ZUP1: variants seen among roughly 807,000 people sequenced by gnomAD.
ZUP1 encodes zinc finger-containing ubiquitin peptidase 1.
A neutral mutation model predicts 68.1 loss-of-function variants in ZUP1; 55 were observed. The ratio of observed to expected loss-of-function variants is 0.81; its 90% CI spans 0.65 to 1.01. ZUP1 has a LOEUF of 1.01. Among genes scored for constraint, ZUP1 ranks in the 50% least tolerant of loss-of-function variants. The probability of loss-of-function intolerance (pLI) is 0.00; values close to 1 mark genes in which losing one functional copy is unlikely to be tolerated. For synonymous variants in ZUP1, 223 were observed against 221.5 expected (o/e 1.01, Z -0.06); for missense variants, 684 against 674.9 (o/e 1.01, Z -0.15).
chr6:116,647,622 T>G lies in ZUP1; in HGVS notation c.1317-12A>C, dbSNP rs377017997. The G allele has an allele frequency of 4.0e-4, 607 of 1,500,254 alleles. No individual in the cohort carries two copies. Among genetic ancestry groups the G allele is most frequent in the Non-Finnish European group, 5.3e-4 (586 of 1,110,848 alleles). The allele number at this position is 1,500,254 out of a possible 1,614,324, so 92.9% of individuals were successfully genotyped here. On this transcript the variant is annotated splice_polypyrimidine_tract_variant and intron_variant, in intron 7 of 9. Transcript: ENST00000368576. ...CAACAATATGACACCTATTAAAAAT[T>G]GACAAAATGCACATTTAAAGGGCAT...
chr6:116,658,051 C>T (rs1452539843), intron 4 of ZUP1, among the ~76,000 whole-genome samples: 3 of 152,184 alleles, frequency 2.0e-5, no homozygotes, highest in African/African-American at 2.4e-5. Context: ...CAAGATTGCA[C>T]CATTGCATTC....
chr6:116,663,304 A>G (rs991186311), intron 2 of ZUP1, among the ~76,000 whole-genome samples: 9 of 152,276 alleles, frequency 5.9e-5, no homozygotes, highest in African/African-American at 2.2e-4. Context: ...TATCTTCTCT[A>G]TATGATAATC....
chr6:116,635,774 T>G lies in ZUP1; in HGVS notation c.*58A>C, dbSNP rs1775894847. The G allele has an allele frequency of 2.8e-6, 4 of 1,405,288 alleles. No individual in the cohort carries two copies. In the Admixed American group the frequency reaches 6.4e-5, roughly 23 times the overall value. 87.1% of individuals were successfully genotyped at this position (1,405,288 alleles called of 1,614,324 possible). On this transcript the variant is annotated 3_prime_UTR_variant, in exon 10 of 10. Transcript: ENST00000368576. ...TAATTGTATTAAGGAGTTCAATATC[T>G]ACATTTAGAAAACAAAGTATTGTTC...
chr6:116,643,343 A>G lies in ZUP1; in HGVS notation c.1689+2371T>C, dbSNP rs1319332211. On this transcript the variant is annotated intron_variant, in intron 9 of 9. Transcript: ENST00000368576. ...ACAGAATTGGAAAAAACTACTTTAA[A>G]GTTCATATGGAACCAAAAAAGAGCC... Among the ~76,000 whole-genome samples, 7 of 152,102 alleles carry G rather than the reference A, an allele frequency of 4.6e-5. No individual in the cohort carries two copies. In the South Asian group the frequency reaches 6.2e-4, roughly 14 times the overall value.
Position 116,645,844 on chromosome 6 carries a change from A to G in ZUP1, c.1559T>C (p.Met520Thr). The G allele has an allele frequency of 6.2e-7, 1 of 1,613,884 alleles. No homozygotes were observed. Among genetic ancestry groups the G allele is most frequent in the South Asian group, 1.1e-5 (1 of 91,080 alleles). ...ILDPGCPSRE[M>T]QKLLKQDIEA... is the part of the protein sequence containing the mutation. ...TATGTCTTGCTTTAATAATTTCTGC[A>G]TTTCTCGAGAAGGACATCCAGGATC... The change falls in exon 9 of 10, where the codon ATG becomes ACG. Residue 520 changes from methionine (M) to threonine (T), a missense_variant. Transcript: ENST00000368576.
At chr6:116,650,217 G>GT (rs562058142) in intron 7 of ZUP1, among the ~76,000 whole-genome samples, 175 of 152,072 alleles carry the variant, frequency 1.2e-3, no homozygotes, top group African/African-American at 4.1e-3. Context: ...GTGGTCAAGA[G>GT]TTGAGACCAG....
chr6:116,651,766 T>C (rs966658321), intron 6 of ZUP1, 29 bp from the exon 7 acceptor site: 1 of 1,610,084 alleles, frequency 6.2e-7, no homozygotes, highest in African/African-American at 1.3e-5. Context: ...ACATGTTACA[T>C]GACTGTTAAT....
At chr6:116,663,989 A>G (rs995430374) in intron 2 of ZUP1, among the ~76,000 whole-genome samples, 1 of 152,138 alleles carries the variant, frequency 6.6e-6, no homozygotes, top group African/African-American at 2.4e-5. Flanking sequence ...GTTGAATAAG[A>G]CTAGATACCT....
At chr6:116,664,353 C>T (rs1776933872) in intron 2 of ZUP1, among the ~76,000 whole-genome samples, 1 of 151,682 alleles carries the variant, frequency 6.6e-6, no homozygotes. Context: ...ATTGCTTGAA[C>T]CTGGGAGGCA....
In ZUP1 at chr6:116,651,555, G is replaced by T; in HGVS notation, c.1316+17C>A. On this transcript the variant is annotated intron_variant, in intron 7 of 9. Coordinates refer to ENST00000368576, the MANE Select transcript of ZUP1 (RefSeq NM_145062.3). The stretch of plus-strand genomic sequence containing the variant: ...CCGATAAGGAAATAACATTTATTTA[G>T]GTTTTAAGGTACATACTTTACCCTT... 1 of 1,545,882 alleles carries T rather than the reference G, an allele frequency of 6.5e-7. No homozygotes were observed. Among genetic ancestry groups the T allele is most frequent in the Non-Finnish European group, 8.7e-7 (1 of 1,146,756 alleles).
chr6:116,661,647 C>CCTAG (rs2114284816), intron 2 of ZUP1, among the ~76,000 whole-genome samples: 1 of 152,264 alleles, frequency 6.6e-6, no homozygotes, highest in Non-Finnish European at 1.5e-5. Context: ...AAGACCAAGA[C>CCTAG]CTAGCAGATA....
intron 9 of ZUP1, among the ~76,000 whole-genome samples, chr6:116,640,305 AGGCCAACAGTCAG>A (rs1776055720): frequency 6.6e-6 from 1 of 152,230 alleles, no homozygotes; most frequent in African/African-American, 2.4e-5. Flanking sequence ...CTAGCAAGGG[AGGCCAACAGTCAG>A]ATTCAGGAAA....
chr6:116,664,029 T>G (rs1776921496), intron 2 of ZUP1, among the ~76,000 whole-genome samples: 1 of 152,214 alleles, frequency 6.6e-6, no homozygotes, highest in South Asian at 2.1e-4. Context: ...ATAGTGTTTC[T>G]ATAAAACTGC....
intron 3 of ZUP1, 30 bp downstream of exon 3, chr6:116,660,706 A>G (rs1776808070): frequency 7.9e-7 from 1 of 1,263,100 alleles, no homozygotes; most frequent in South Asian, 1.3e-5. Flanking sequence ...AAATTAAATG[A>G]TATTTTTATC....
intron 9 of ZUP1, among the ~76,000 whole-genome samples, chr6:116,644,028 C>T (rs1333956899): frequency 6.6e-6 from 1 of 152,126 alleles, no homozygotes; most frequent in Non-Finnish European, 1.5e-5. Flanking sequence ...AGTGGGCAAA[C>T]GATATGAACA....
chr6:116,650,498 A>G (rs1583369576), intron 7 of ZUP1, among the ~76,000 whole-genome samples: 1 of 151,922 alleles, frequency 6.6e-6, no homozygotes, highest in Non-Finnish European at 1.5e-5. Flanking sequence ...CAGAGACATT[A>G]TAATTATCAA....
chr6:116,653,088 C>T (rs1439519497), intron 5 of ZUP1, among the ~76,000 whole-genome samples: 1 of 151,922 alleles, frequency 6.6e-6, no homozygotes, highest in Non-Finnish European at 1.5e-5. Flanking sequence ...TGTCATCGAC[C>T]CCAACTATAA....
intron 7 of ZUP1, 99 bp from the exon 8 acceptor site, chr6:116,647,709 G>T: frequency 1.1e-6 from 1 of 920,074 alleles, no homozygotes; most frequent in Non-Finnish European, 1.5e-6. Flanking sequence ...AGAACTAACT[G>T]TTTCTAGCCA....
At chr6:116,656,554 A>G (rs1420648015) in intron 5 of ZUP1, 130 bp downstream of exon 5, 6 of 706,928 alleles carry the variant, frequency 8.5e-6, no homozygotes, top group African/African-American at 1.9e-5. Context: ...CAGAAGTTTT[A>G]AAACAATACA....
Sources: gnomAD v4.1 joint callset for allele counts (sites outside exome capture counted in the v4.1 genomes callset) on GRCh38, gnomAD v4.1.1 for gene constraint, MANE v1.5 for transcripts, NCBI Gene and HGNC (gene_info 2026-07-23, HGNC 2026-07-21) for gene names.